Variants in SLC20A2 observed in about 807,000 individuals in gnomAD.
SLC20A2 encodes solute carrier family 20 member 2.
A neutral mutation model predicts 61.0 loss-of-function variants in SLC20A2; 30 were observed. That is an observed-to-expected ratio of 0.49 (90% confidence interval 0.37 to 0.67). The LOEUF is 0.67. Ranked by LOEUF, SLC20A2 falls within the 30% of genes least tolerant of loss-of-function variation. The pLI, the probability that SLC20A2 is intolerant of heterozygous loss-of-function variation, is 0.00. For missense variants in SLC20A2, 626 were observed against 866.4 expected (o/e 0.72, Z 3.48); for synonymous variants, 351 against 353.3 (o/e 0.99, Z 0.07).
chr8:42,439,493 G>C lies in SLC20A2; in HGVS notation c.891C>G (p.Thr297=), dbSNP rs1413338344. ...GGCTGCCCGCAGAAGTGCCTTCCGA[G>C]GTCCCCAGTGTCTCCCCTGCTGCTC... is the stretch of plus-strand genomic sequence containing the variant. ...LTGAAGETLG[T]SEGTSAGSHP... is the part of the protein sequence containing the mutation. The change falls in exon 7 of 11, where the codon ACC becomes ACG. Residue 297 remains threonine, a synonymous_variant. Coordinates refer to ENST00000520262, the MANE Select transcript of SLC20A2 (RefSeq NM_001257180.2). 6.2e-7 allele frequency: 1 copy of C among 1,614,054 alleles called. No homozygotes were observed. The highest frequency in any genetic ancestry group is 2.2e-5 in the East Asian group (1 of 44,872).
chr8:42,526,024 A>C (rs182620414), intron 1 of SLC20A2, among the ~76,000 whole-genome samples: 53 of 152,342 alleles, frequency 3.5e-4, no homozygotes, highest in Admixed American at 7.2e-4. Flanking sequence ...TTCTGCCCTC[A>C]AGGAGGTAGG....
At chr8:42,538,279 T>C (rs1349740821) in intron 1 of SLC20A2, 2 of 148,646 alleles carry the variant, frequency 1.3e-5, no homozygotes, top group African/African-American at 2.4e-5. Flanking sequence ...ATAGGTATTA[T>C]ATAATATTAT....
chr8:42,492,000 T>C (rs1182205645), intron 1 of SLC20A2, among the ~76,000 whole-genome samples: 2 of 152,174 alleles, frequency 1.3e-5, no homozygotes, highest in Non-Finnish European at 2.9e-5. Flanking sequence ...ACTCTATTCA[T>C]TGAATATGTG....
chr8:42,487,889 A>G (rs532673957), intron 1 of SLC20A2, among the ~76,000 whole-genome samples: 3 of 152,314 alleles, frequency 2.0e-5, no homozygotes, highest in African/African-American at 7.2e-5. Flanking sequence ...CCCATTAGAC[A>G]ATAACTTGCC....
In SLC20A2 at chr8:42,453,923, C is replaced by T. The variant is rs146976579; in HGVS notation, c.613+5973G>A. Among the ~76,000 whole-genome samples, 114 of 152,308 alleles carry T rather than the reference C, an allele frequency of 7.5e-4. 1 individual carries two copies. In the East Asian group the frequency reaches 0.015, roughly 21 times the overall value. On this transcript the variant is annotated intron_variant, in intron 5 of 10. Coordinates refer to ENST00000520262, the MANE Select transcript of SLC20A2 (RefSeq NM_001257180.2). Reference sequence around the variant, plus strand: ...GTAACAAAACAGCCTCTAACAGGCACGGTTGGCCTTCTCCGTCCATGGTTC... The same window carrying T: ...GTAACAAAACAGCCTCTAACAGGCATGGTTGGCCTTCTCCGTCCATGGTTC...
chr8:42,430,032 C>A lies in SLC20A2; in HGVS notation c.1709+32G>T, dbSNP rs746596400. On this transcript the variant is annotated intron_variant, in intron 9 of 10. Transcript: ENST00000520262. ...TCTACCCAGGCCTCGGATGACAAGA[C>A]CTGCCCTGCTCGTCCACCAGCCCAG... 4 of 1,579,206 alleles carry A rather than the reference C, an allele frequency of 2.5e-6. No individual in the cohort carries two copies. In the South Asian group the frequency reaches 4.7e-5, roughly 18 times the overall value.
intron 1 of SLC20A2, among the ~76,000 whole-genome samples, chr8:42,507,035 C>T (rs1435742598): frequency 6.6e-6 from 1 of 152,204 alleles, no homozygotes; most frequent in Non-Finnish European, 1.5e-5. Context: ...CCGCTGAGCA[C>T]CTGATGGGTG....
At chr8:42,433,868 T>A (rs1008553631) in intron 8 of SLC20A2, among the ~76,000 whole-genome samples, 1 of 152,220 alleles carries the variant, frequency 6.6e-6, no homozygotes, top group African/African-American at 2.4e-5. Flanking sequence ...TCTGTATGTA[T>A]ACCCGGAAGC....
intron 8 of SLC20A2, 113 bp from the exon 9 acceptor site, chr8:42,430,362 T>C: frequency 1.1e-6 from 1 of 904,862 alleles, no homozygotes. Flanking sequence ...AGATATGATG[T>C]TTTTCTTTCT....
At position 42,533,659 on chromosome 8, in the gene SLC20A2, T is replaced by TTTC. The variant is rs1466962182; in HGVS notation, c.-265+8161_-265+8162insGAA. 4.4e-4 allele frequency among the ~76,000 whole-genome samples: 52 copies of TTTC among 119,082 alleles called. 1 individual carries two copies. The highest frequency in any genetic ancestry group is 3.9e-3 in the Middle Eastern group (1 of 254). 78.1% of individuals were successfully genotyped at this position (119,082 alleles called of 152,430 possible). ...GGCCTTAATGATCAACTGTTCTTTT[T>TTTC]TTTTTTTTTTTTTTTTTGAGACGGG... On this transcript the variant is annotated intron_variant, in intron 1 of 10. Coordinates refer to the SLC20A2 transcript ENST00000342228.
chr8:42,487,658 C>G (rs767079053), intron 1 of SLC20A2, among the ~76,000 whole-genome samples: 11 of 152,164 alleles, frequency 7.2e-5, no homozygotes, highest in Non-Finnish European at 1.3e-4. Context: ...TGCGAAGCCT[C>G]TCTAGCGAAC....
intron 3 of SLC20A2, among the ~76,000 whole-genome samples, chr8:42,463,966 C>T (rs116287669): frequency 0.012 from 1,858 of 152,040 alleles, 43 homozygotes; most frequent in African/African-American, 0.043. Flanking sequence ...AAAGCAGAGC[C>T]AGGCACTAAC....
intron 10 of SLC20A2, among the ~76,000 whole-genome samples, chr8:42,420,842 C>T (rs1017972269): frequency 3.9e-5 from 6 of 152,182 alleles, no homozygotes; most frequent in Non-Finnish European, 7.3e-5. Context: ...GGAAACTGCC[C>T]CATAAAACAC....
chr8:42,535,755 A>G (rs560564861), intron 1 of SLC20A2, among the ~76,000 whole-genome samples: 19 of 152,242 alleles, frequency 1.2e-4, no homozygotes, highest in Non-Finnish European at 2.6e-4. Context: ...AAGGCACCAG[A>G]ATCACTTAAG....
At chr8:42,522,702 G>A (rs1253351342) in intron 1 of SLC20A2, among the ~76,000 whole-genome samples, 3 of 68,184 alleles carry the variant, frequency 4.4e-5, no homozygotes, top group African/African-American at 9.7e-5. Context: ...TATTATTGTA[G>A]CAAAAAGGTT....
intron 5 of SLC20A2, among the ~76,000 whole-genome samples, chr8:42,456,807 AG>A (rs1806247028): frequency 6.6e-6 from 1 of 151,822 alleles, no homozygotes; most frequent in Admixed American, 6.6e-5. Flanking sequence ...CCAGTGCTCC[AG>A]GCCTTCCAAT....
At chr8:42,455,732 T>C (rs984631920) in intron 5 of SLC20A2, among the ~76,000 whole-genome samples, 1 of 152,112 alleles carries the variant, frequency 6.6e-6, no homozygotes, top group Non-Finnish European at 1.5e-5. Flanking sequence ...ATATGTAGTG[T>C]TTTAAACTAC....
chr8:42,464,093 T>TTTTTTTTTTG (rs1806943214), intron 3 of SLC20A2, among the ~76,000 whole-genome samples: 1 of 27,412 alleles, frequency 3.6e-5, no homozygotes, highest in Non-Finnish European at 6.1e-5. Context: ...CTGGATGATC[T>TTTTTTTTTTG]TTTTTTTTTT....
chr8:42,425,858 C>T (rs895582857), intron 10 of SLC20A2, among the ~76,000 whole-genome samples: 9 of 152,042 alleles, frequency 5.9e-5, no homozygotes, highest in Non-Finnish European at 8.8e-5. Flanking sequence ...CTGGCTAACA[C>T]GGTGAAACCC....
Sources: gnomAD v4.1 joint callset for allele counts (sites outside exome capture counted in the v4.1 genomes callset) on GRCh38, gnomAD v4.1.1 for gene constraint, MANE v1.5 for transcripts, NCBI Gene and HGNC (gene_info 2026-07-23, HGNC 2026-07-21) for gene names.